Variants in IQCM observed in about 807,000 individuals in gnomAD.
IQCM encodes the protein IQ motif containing M.
IQCM carries 45 observed loss-of-function variants against 57.6 expected under a neutral mutation model. The ratio of observed to expected loss-of-function variants is 0.78; its 90% confidence interval spans 0.62 to 1.00. The LOEUF is 1.00. Among genes scored for constraint, IQCM ranks in the 50% least tolerant of loss-of-function variants. The probability of loss-of-function intolerance (pLI) is 0.00; values close to 1 mark genes in which losing one functional copy is unlikely to be tolerated. For synonymous variants in IQCM, 148 were observed against 158.9 expected, an observed-to-expected ratio of 0.93 and a Z score of 0.51; for missense variants, 468 against 511.6, an observed-to-expected ratio of 0.91 and a Z score of 0.82.
chr4:149,414,410 G>A (rs983136321), intron 13 of IQCM, among the ~76,000 whole-genome samples: 1 of 152,068 alleles, frequency 6.6e-6, no homozygotes, highest in Non-Finnish European at 1.5e-5. Flanking sequence ...GAATGCTAAG[G>A]TCTGAATTTC....
chr4:149,483,187 G>A (rs72726105), intron 12 of IQCM, among the ~76,000 whole-genome samples: 3,040 of 151,330 alleles, frequency 0.02, 52 homozygotes, highest in Middle Eastern at 0.045. Flanking sequence ...TTTGGCTAAG[G>A]GTTTGTTGAT....
chr4:149,619,995 A>G (rs1756181187), intron 8 of IQCM, among the ~76,000 whole-genome samples: 1 of 152,072 alleles, frequency 6.6e-6, no homozygotes, highest in African/African-American at 2.4e-5. Context: ...CGTCTCTACT[A>G]AAAATACAAA....
intron 12 of IQCM, among the ~76,000 whole-genome samples, chr4:149,535,513 C>T (rs932562214): frequency 6.6e-6 from 1 of 151,958 alleles, no homozygotes; most frequent in South Asian, 2.1e-4. Context: ...CAAAAGGAAC[C>T]AAAAGTCCTG....
intron 9 of IQCM, among the ~76,000 whole-genome samples, chr4:149,579,138 A>C (rs536611658): frequency 6.6e-5 from 10 of 151,824 alleles, no homozygotes; most frequent in African/African-American, 2.4e-4. Context: ...TTCATATTAC[A>C]TGCAGGAGTC....
At chr4:149,410,739 T>C (rs1024814397) in intron 13 of IQCM, among the ~76,000 whole-genome samples, 2 of 152,026 alleles carry the variant, frequency 1.3e-5, no homozygotes, top group Non-Finnish European at 2.9e-5. Context: ...TCTATCTTTA[T>C]CTAATGATAT....
chr4:149,466,183 C>G (rs1738842583), intron 12 of IQCM, among the ~76,000 whole-genome samples: 1 of 152,220 alleles, frequency 6.6e-6, no homozygotes, highest in Non-Finnish European at 1.5e-5. Context: ...GGACACATCA[C>G]TACTCTTATT....
intron 2 of IQCM, among the ~76,000 whole-genome samples, chr4:149,783,612 T>G (rs978172117): frequency 6.6e-5 from 10 of 152,252 alleles, no homozygotes; most frequent in African/African-American, 2.2e-4. Context: ...CATGTCATTA[T>G]GTAATCTCCT....
chr4:149,630,747 T>C (rs188174941), intron 7 of IQCM, among the ~76,000 whole-genome samples: 64 of 152,332 alleles, frequency 4.2e-4, no homozygotes, highest in Middle Eastern at 3.4e-3. Flanking sequence ...TTCATATTTT[T>C]TGTAATACCA....
chr4:149,609,576 G>A (rs1755096825), intron 8 of IQCM, among the ~76,000 whole-genome samples: 1 of 151,704 alleles, frequency 6.6e-6, no homozygotes, highest in Non-Finnish European at 1.5e-5. Flanking sequence ...TGCAAAGATG[G>A]CAAAACACAC....
At chr4:149,639,760 A>G (rs1758029163) in intron 7 of IQCM, among the ~76,000 whole-genome samples, 2 of 152,060 alleles carry the variant, frequency 1.3e-5, no homozygotes, top group African/African-American at 4.8e-5. Flanking sequence ...AGCTCTACAA[A>G]AAAATTAAAA....
intron 7 of IQCM, among the ~76,000 whole-genome samples, chr4:149,681,083 T>C (rs190108221): frequency 6.6e-6 from 1 of 151,414 alleles, no homozygotes; most frequent in East Asian, 1.9e-4. Flanking sequence ...ATTCTAAATG[T>C]CACAGAATTA....
intron 12 of IQCM, among the ~76,000 whole-genome samples, chr4:149,514,089 T>C (rs1353170564): frequency 6.6e-6 from 1 of 151,754 alleles, no homozygotes; most frequent in Non-Finnish European, 1.5e-5. Context: ...AAGAGAAGAA[T>C]GTAAAAAAAA....
chr4:149,525,010 G>T (rs1414444288), intron 12 of IQCM, among the ~76,000 whole-genome samples: 3 of 151,534 alleles, frequency 2.0e-5, no homozygotes, highest in South Asian at 4.2e-4. Context: ...ATTGAAACAG[G>T]GATCAATGAT....
chr4:149,410,108 G>A (rs776046826), intron 13 of IQCM, among the ~76,000 whole-genome samples: 4 of 152,052 alleles, frequency 2.6e-5, no homozygotes, highest in Non-Finnish European at 4.4e-5. Context: ...GCTTGAACCC[G>A]GGAGGCAGAG....
intron 13 of IQCM, among the ~76,000 whole-genome samples, chr4:149,381,094 C>A (rs1474657093): frequency 6.6e-6 from 1 of 152,094 alleles, no homozygotes; most frequent in Admixed American, 6.5e-5. Context: ...CTTTTGCAGG[C>A]TAAAACTATT....
At chr4:149,625,866 C>CT (rs1176121017) in intron 7 of IQCM, among the ~76,000 whole-genome samples, 1 of 152,126 alleles carries the variant, frequency 6.6e-6, no homozygotes, top group Admixed American at 6.6e-5. Flanking sequence ...TGAGTCCTGA[C>CT]AGATTCGATA....
chr4:149,647,710 A>G (rs569260400), intron 7 of IQCM, among the ~76,000 whole-genome samples: 187 of 151,330 alleles, frequency 1.2e-3, no homozygotes, highest in Non-Finnish European at 2.4e-3. Context: ...CTATGATTTC[A>G]AAGTGTATAT....
chr4:149,603,482 T>G (rs1023130709), intron 8 of IQCM, among the ~76,000 whole-genome samples: 1 of 152,138 alleles, frequency 6.6e-6, no homozygotes, highest in Non-Finnish European at 1.5e-5. Flanking sequence ...CAACCAGGTC[T>G]CACCATTTGT....
intron 8 of IQCM, among the ~76,000 whole-genome samples, chr4:149,607,187 T>G (rs143629444): frequency 1.7e-4 from 26 of 151,946 alleles, no homozygotes; most frequent in Admixed American, 1.7e-3. Flanking sequence ...GCAAATCACA[T>G]ATAAAGGAGC....
Sources: allele counts gnomAD v4.1 joint callset (sites outside exome capture counted in the v4.1 genomes callset), GRCh38; gene constraint gnomAD v4.1.1; transcripts MANE v1.5; gene names NCBI Gene and HGNC (gene_info 2026-07-23, HGNC 2026-07-21).